Variants in CTNNA2 observed in about 807,000 individuals in gnomAD.
CTNNA2 encodes the protein catenin alpha-2.
In CTNNA2, 42 loss-of-function variants were observed where a neutral mutation model predicts 101.0. That is an observed-to-expected ratio of 0.42 (90% CI 0.32 to 0.54). The LOEUF (loss-of-function observed/expected upper bound fraction) is 0.54. Ranked by LOEUF, CTNNA2 falls within the 20% of genes least tolerant of loss-of-function variation. The pLI is 0.14. For missense variants in CTNNA2, 871 were observed against 1,223.1 expected (o/e 0.71, Z 4.29); for synonymous variants, 450 against 456.4 (o/e 0.99, Z 0.18).
intron 1 of CTNNA2, among the ~76,000 whole-genome samples, chr2:79,645,697 T>C (rs1340934837): frequency 6.6e-6 from 1 of 152,222 alleles, no homozygotes; most frequent in African/African-American, 2.4e-5. Context: ...TAGACAACAT[T>C]GCAAAGAAGA....
intron 7 of CTNNA2, among the ~76,000 whole-genome samples, chr2:80,352,930 T>A (rs1673443047): frequency 1.3e-5 from 2 of 151,148 alleles, no homozygotes; most frequent in African/African-American, 4.9e-5. Flanking sequence ...AAAAAAAAAA[T>A]AAAGATTCCA....
chr2:80,619,740 G>T (rs896243036), intron 18 of CTNNA2, among the ~76,000 whole-genome samples: 2 of 151,848 alleles, frequency 1.3e-5, no homozygotes, highest in East Asian at 1.9e-4. Context: ...GCTTTCTAAT[G>T]CAGTGACTAA....
At chr2:79,308,931 A>T (rs2104398001) in intron 2 of CTNNA2, among the ~76,000 whole-genome samples, 1 of 152,094 alleles carries the variant, frequency 6.6e-6, no homozygotes, top group African/African-American at 2.4e-5. Context: ...TTTCAGATAC[A>T]ATCTAATTTT....
At chr2:80,184,700 G>A (rs1018966367) in intron 7 of CTNNA2, among the ~76,000 whole-genome samples, 1 of 152,136 alleles carries the variant, frequency 6.6e-6, no homozygotes, top group Non-Finnish European at 1.5e-5. Flanking sequence ...ATGTGTGCCT[G>A]TCTTTTCTAT....
intron 3 of CTNNA2, among the ~76,000 whole-genome samples, chr2:79,351,592 C>T (rs2104438964): frequency 6.6e-6 from 1 of 152,198 alleles, no homozygotes; most frequent in South Asian, 2.1e-4. Context: ...CCTCTCCATT[C>T]TTCCCTGCTC....
intron 1 of CTNNA2, among the ~76,000 whole-genome samples, chr2:79,533,831 C>T (rs1487539532): frequency 6.6e-6 from 1 of 152,088 alleles, no homozygotes; most frequent in Admixed American, 6.6e-5. Flanking sequence ...CAACAAAACA[C>T]AATTAAACTA....
Position 80,085,313 on chromosome 2 carries a change from G to A in CTNNA2, c.1056+175516G>A, listed in dbSNP as rs573013103. ...GCCCATAATGCACTTGTCCCCCAGA[G>A]CTTCCTCCAGAAAGTGTCAAACATT... On this transcript the variant is annotated intron_variant, in intron 7 of 18. Transcript: ENST00000402739. Among the ~76,000 whole-genome samples the A allele has an allele frequency of 1.1e-4, 16 of 152,182 alleles. No homozygotes were observed. The South Asian group carries it at 3.1e-3, about 30-fold the overall frequency.
At chr2:80,581,676 G>C in intron 13 of CTNNA2, 30 bp from the exon 14 acceptor site, 1 of 1,354,282 alleles carries the variant, frequency 7.4e-7, no homozygotes, top group Non-Finnish European at 1.1e-6. Context: ...ATCAATTTAA[G>C]TATGCTGACT....
At chr2:79,676,723 A>G (rs938588050) in intron 2 of CTNNA2, among the ~76,000 whole-genome samples, 8 of 152,160 alleles carry the variant, frequency 5.3e-5, no homozygotes, top group African/African-American at 1.9e-4. Flanking sequence ...CTCCACAAAC[A>G]TTTGAGGAAA....
intron 7 of CTNNA2, among the ~76,000 whole-genome samples, chr2:80,220,955 C>T (rs933497209): frequency 1.3e-5 from 2 of 152,122 alleles, no homozygotes; most frequent in East Asian, 1.9e-4. Context: ...AATCTCGGCT[C>T]ACTGCAGCCT....
chr2:79,650,709 A>C (rs1681177288), intron 1 of CTNNA2, among the ~76,000 whole-genome samples: 1 of 150,870 alleles, frequency 6.6e-6, no homozygotes, highest in African/African-American at 2.4e-5. Flanking sequence ...ATACATATAC[A>C]TGTGCCACGC....
At chr2:79,828,644 T>A (rs1678628398) in intron 3 of CTNNA2, among the ~76,000 whole-genome samples, 1 of 152,236 alleles carries the variant, frequency 6.6e-6, no homozygotes. Context: ...GCTCTTGGAC[T>A]AAGTGTTTAC....
At chr2:79,254,149 T>C (rs2902050) in intron 2 of CTNNA2, among the ~76,000 whole-genome samples, 3 of 152,210 alleles carry the variant, frequency 2.0e-5, no homozygotes, top group Non-Finnish European at 4.4e-5. Context: ...CCAGGAACTA[T>C]TGGATCCTAT....
intron 9 of CTNNA2, among the ~76,000 whole-genome samples, chr2:80,538,372 T>C (rs1172197016): frequency 3.3e-5 from 5 of 152,198 alleles, no homozygotes; most frequent in African/African-American, 9.6e-5. Context: ...TACATTTAAG[T>C]CTTTAATCCA....
At chr2:80,519,361 T>C (rs1559176201) in intron 9 of CTNNA2, among the ~76,000 whole-genome samples, 1 of 152,174 alleles carries the variant, frequency 6.6e-6, no homozygotes, top group East Asian at 1.9e-4. Flanking sequence ...ACAAGATCAT[T>C]GGACTGGTAC....
chr2:79,289,104 T>A (rs1013545886), intron 2 of CTNNA2, among the ~76,000 whole-genome samples: 2 of 152,176 alleles, frequency 1.3e-5, no homozygotes, highest in African/African-American at 2.4e-5. Context: ...TCTACAAGTC[T>A]GAGAGAATCT....
At chr2:80,533,676 A>G (rs1690738766) in intron 9 of CTNNA2, among the ~76,000 whole-genome samples, 1 of 152,178 alleles carries the variant, frequency 6.6e-6, no homozygotes, top group South Asian at 2.1e-4. Context: ...GCCCACATAT[A>G]TGAAGGTCAA....
rs368230708 is a variant in CTNNA2 at position 79,814,380 on chromosome 2, A to G, written c.299-43633A>G. Among the ~76,000 whole-genome samples the G allele has an allele frequency of 3.9e-5, 6 of 152,046 alleles. No individual in the cohort carries two copies. In the East Asian group the frequency reaches 9.7e-4, roughly 25 times the overall value. On this transcript the variant is annotated intron_variant, in intron 3 of 18. Coordinates refer to ENST00000402739, the MANE Select transcript of CTNNA2 (RefSeq NM_001282597.3). ...CACTGCACCGTATTTGTAGTCTTTT[A>G]TCCCTCGCCACCTCTCACCTTTCCC...
At chr2:79,849,464 A>G (rs1680501366) in intron 3 of CTNNA2, among the ~76,000 whole-genome samples, 2 of 152,104 alleles carry the variant, frequency 1.3e-5, no homozygotes, top group Admixed American at 6.5e-5. Flanking sequence ...ATTCTGCTTG[A>G]GAAAAGACAG....
Sources: gnomAD v4.1 joint callset for allele counts (sites outside exome capture counted in the v4.1 genomes callset) on GRCh38, gnomAD v4.1.1 for gene constraint, MANE v1.5 for transcripts, NCBI Gene and HGNC (gene_info 2026-07-23, HGNC 2026-07-21) for gene names.